Variants in FRAS1 observed in about 807,000 individuals in gnomAD.
The protein encoded by FRAS1 is extracellular matrix organizing protein FRAS1.
FRAS1 carries 290 observed loss-of-function variants against 435.2 expected under a neutral mutation model. The observed-to-expected ratio is 0.67, with a 90% CI of 0.61 to 0.73. The LOEUF is 0.73. FRAS1 is among the 30% of genes least tolerant of loss of function. The probability of loss-of-function intolerance (pLI) is 0.00; values close to 1 mark genes in which losing one functional copy is unlikely to be tolerated. For missense variants in FRAS1, 4,860 were observed against 5,001.5 expected (o/e 0.97, Z 0.85); for synonymous variants, 1,800 against 1,851.0 (o/e 0.97, Z 0.71).
intron 2 of FRAS1, among the ~76,000 whole-genome samples, chr4:78,129,844 A>G (rs369382893): frequency 8.7e-5 from 13 of 149,678 alleles, no homozygotes; most frequent in African/African-American, 3.2e-4. Flanking sequence ...TTTCTTCCCA[A>G]CTCTCCAACT....
intron 2 of FRAS1, among the ~76,000 whole-genome samples, chr4:78,079,593 A>T (rs1312659238): frequency 6.6e-6 from 1 of 152,136 alleles, no homozygotes; most frequent in Non-Finnish European, 1.5e-5. Context: ...CGTTCACATG[A>T]TGTCAACATG....
chr4:78,196,865 T>C (rs1336148405), intron 2 of FRAS1, among the ~76,000 whole-genome samples: 1 of 152,214 alleles, frequency 6.6e-6, no homozygotes, highest in East Asian at 1.9e-4. Flanking sequence ...AGAGTTTTAA[T>C]GAGAATCATG....
At chr4:78,205,289 G>A (rs1269635320) in intron 2 of FRAS1, among the ~76,000 whole-genome samples, 1 of 151,110 alleles carries the variant, frequency 6.6e-6, no homozygotes, top group African/African-American at 2.4e-5. Flanking sequence ...GCAGCTTGGA[G>A]TTCATAGGCT....
At chr4:78,444,875 G>T (rs1718742803) in intron 41 of FRAS1, among the ~76,000 whole-genome samples, 1 of 152,146 alleles carries the variant, frequency 6.6e-6, no homozygotes, top group African/African-American at 2.4e-5. Flanking sequence ...CATAGTATCT[G>T]AATGGTACCT....
chr4:78,271,797 C>G (rs188402547), intron 9 of FRAS1, among the ~76,000 whole-genome samples: 69 of 152,310 alleles, frequency 4.5e-4, no homozygotes, highest in Non-Finnish European at 5.6e-4. Context: ...GTCTTTATAG[C>G]AGCATGATTT....
chr4:78,258,480 C>T (rs1003443514), intron 6 of FRAS1, among the ~76,000 whole-genome samples: 8 of 151,670 alleles, frequency 5.3e-5, no homozygotes, highest in Non-Finnish European at 7.4e-5. Context: ...ACTATAATCT[C>T]TTCCCATCCT....
In FRAS1 at chr4:78,464,540, C is replaced by A; in HGVS notation, c.6986C>A (p.Thr2329Asn). Residue 2329 changes from threonine (T) to asparagine (N), a missense_variant, in exon 49 of 74, where the codon ACC (threonine) becomes AAC (asparagine). Transcript: ENST00000512123. ...CGGGTGCAGGAGGGCATGAGGAAGA[C>A]CATCACAGAGTTTGAGCTTAAGGCG... ...GMRVQEGMRK[T>N]ITEFELKAVD... is the part of the protein sequence containing the mutation. The A allele has an allele frequency of 6.2e-7, 1 of 1,613,884 alleles. No individual in the cohort carries two copies. Among genetic ancestry groups the A allele is most frequent in the Non-Finnish European group, 8.5e-7 (1 of 1,179,840 alleles).
intron 2 of FRAS1, among the ~76,000 whole-genome samples, chr4:78,189,544 G>T (rs1177856614): frequency 2.0e-5 from 3 of 152,126 alleles, no homozygotes; most frequent in Admixed American, 6.5e-5. Context: ...GGATGTTTTT[G>T]CTGGATCTTT....
chr4:78,449,924 A>G (rs908710480), intron 44 of FRAS1, among the ~76,000 whole-genome samples: 5 of 152,200 alleles, frequency 3.3e-5, no homozygotes, highest in African/African-American at 1.2e-4. Context: ...TCAGAAGGAA[A>G]AAAGTGCTTA....
intron 2 of FRAS1, among the ~76,000 whole-genome samples, chr4:78,222,062 C>T (rs1296960389): frequency 2.0e-5 from 3 of 152,060 alleles, no homozygotes; most frequent in Non-Finnish European, 4.4e-5. Context: ...AGGGCAGAGC[C>T]GTGGAGCTCT....
Position 78,540,602 on chromosome 4 carries a change from G to C in FRAS1, c.11517G>C (p.Arg3839=). ...IIGPDTISGP[R]VQRSLTAPLR... is the part of the protein sequence containing the mutation. ...GCCCTGACACCATCTCAGGGCCCCGGGTCCAGCGCTCTCTCACAGCTCCAC... is the reference window on the plus strand; with the variant it reads ...GCCCTGACACCATCTCAGGGCCCCGCGTCCAGCGCTCTCTCACAGCTCCAC... Residue 3839 remains arginine (R), a synonymous_variant, in exon 74 of 74, where the codon CGG becomes CGC. Coordinates refer to ENST00000512123, the MANE Select transcript of FRAS1 (RefSeq NM_025074.7). 3.2e-6 allele frequency: 5 copies of C among 1,540,548 alleles called. No individual in the cohort carries two copies. Among genetic ancestry groups the C allele is most frequent in the Non-Finnish European group, 4.4e-6 (5 of 1,144,252 alleles).
At chr4:78,198,835 G>T (rs181056651) in intron 2 of FRAS1, among the ~76,000 whole-genome samples, 1 of 151,912 alleles carries the variant, frequency 6.6e-6, no homozygotes, top group Non-Finnish European at 1.5e-5. Flanking sequence ...ATTTTCTCTC[G>T]CTTATGATTT....
At chr4:78,270,312 TC>T (rs1726595238) in intron 9 of FRAS1, among the ~76,000 whole-genome samples, 1 of 152,286 alleles carries the variant, frequency 6.6e-6, no homozygotes, top group Admixed American at 6.5e-5. Flanking sequence ...CCTTACTGTT[TC>T]TATACCTTCC....
intron 2 of FRAS1, among the ~76,000 whole-genome samples, chr4:78,210,581 G>T: frequency 6.6e-6 from 1 of 152,042 alleles, no homozygotes; most frequent in East Asian, 1.9e-4. Flanking sequence ...GCCTTCCTCT[G>T]CCCCAGGCTT....
At chr4:78,102,026 A>T (rs1742158544) in intron 2 of FRAS1, among the ~76,000 whole-genome samples, 1 of 152,220 alleles carries the variant, frequency 6.6e-6, no homozygotes, top group Non-Finnish European at 1.5e-5. Context: ...CAAGATGTAC[A>T]ATTACAGGTT....
chr4:78,086,465 CA>C (rs995437544), intron 2 of FRAS1, among the ~76,000 whole-genome samples: 18 of 151,992 alleles, frequency 1.2e-4, no homozygotes, highest in Admixed American at 3.3e-4. Context: ...AAAAACCGTT[CA>C]AAAAATCAAT....
At chr4:78,214,172 T>C (rs191058195) in intron 2 of FRAS1, among the ~76,000 whole-genome samples, 39 of 152,338 alleles carry the variant, frequency 2.6e-4, no homozygotes, top group African/African-American at 9.1e-4. Flanking sequence ...TCTTAAATCT[T>C]GCTCCATCTC....
At chr4:78,286,945 T>A (rs1031595155) in intron 14 of FRAS1, among the ~76,000 whole-genome samples, 1 of 152,104 alleles carries the variant, frequency 6.6e-6, no homozygotes, top group Non-Finnish European at 1.5e-5. Flanking sequence ...GTCTAAATAA[T>A]TTTTTTAAAT....
intron 4 of FRAS1, among the ~76,000 whole-genome samples, chr4:78,250,202 A>C (rs982952027): frequency 5.3e-5 from 8 of 152,118 alleles, no homozygotes; most frequent in African/African-American, 1.9e-4. Context: ...AAGCAGAAAA[A>C]ATATCACTAG....
Sources: gnomAD v4.1 joint callset for allele counts (sites outside exome capture counted in the v4.1 genomes callset) on GRCh38, gnomAD v4.1.1 for gene constraint, MANE v1.5 for transcripts, NCBI Gene and HGNC (gene_info 2026-07-23, HGNC 2026-07-21) for gene names.